PRMT3: variants seen among roughly 807,000 people sequenced by gnomAD.
PRMT3 encodes the protein protein arginine methyltransferase 3, also known as protein arginine N-methyltransferase 3.
In PRMT3, 62 loss-of-function variants were observed where a neutral mutation model predicts 71.9. The ratio of observed to expected loss-of-function variants is 0.86; its 90% CI spans 0.70 to 1.07. The LOEUF (loss-of-function observed/expected upper bound fraction) is 1.07. PRMT3 is among the 50% of genes least tolerant of loss of function. The pLI is 0.00. For missense variants in PRMT3, 663 were observed against 643.0 expected (o/e 1.03, Z -0.34); for synonymous variants, 213 against 220.4 (o/e 0.97, Z 0.30).
chr11:20,436,399 A>G (rs1849761794), intron 10 of PRMT3, among the ~76,000 whole-genome samples: 1 of 152,172 alleles, frequency 6.6e-6, no homozygotes, highest in Non-Finnish European at 1.5e-5. Context: ...ACTTGTCCCC[A>G]TTCAGTATGT....
chr11:20,448,852 GGAA>G (rs1392991830), intron 10 of PRMT3, among the ~76,000 whole-genome samples: 1 of 152,080 alleles, frequency 6.6e-6, no homozygotes, highest in Admixed American at 6.6e-5. Context: ...TGTCACTGTT[GGAA>G]GAAGAATGCC....
chr11:20,403,076 T>G (rs1253534931), intron 8 of PRMT3, 92 bp downstream of exon 8: 1 of 932,124 alleles, frequency 1.1e-6, no homozygotes, highest in African/African-American at 1.6e-5. Context: ...AGCAATTGAT[T>G]TAACATCTTC....
chr11:20,423,578 T>C (rs1443078982), intron 9 of PRMT3, among the ~76,000 whole-genome samples: 1 of 152,210 alleles, frequency 6.6e-6, no homozygotes, highest in Non-Finnish European at 1.5e-5. Flanking sequence ...GCTAGTTCAT[T>C]GGTGATATTC....
chr11:20,392,841 A>G (rs914478542), intron 4 of PRMT3, 56 bp from the exon 5 acceptor site: 1 of 1,118,912 alleles, frequency 8.9e-7, no homozygotes. Context: ...GTTTTTACTA[A>G]GGGGATTTTG....
At chr11:20,492,821 A>G (rs972062627) in intron 13 of PRMT3, among the ~76,000 whole-genome samples, 1 of 152,176 alleles carries the variant, frequency 6.6e-6, no homozygotes, top group Non-Finnish European at 1.5e-5. Flanking sequence ...CACTTTGGGA[A>G]GCCGAAGTGG....
chr11:20,417,159 C>A (rs1256756892), intron 9 of PRMT3, among the ~76,000 whole-genome samples: 1 of 152,090 alleles, frequency 6.6e-6, no homozygotes, highest in Non-Finnish European at 1.5e-5. Context: ...TCCCTTTTTT[C>A]TCTCACTGAA....
intron 15 of PRMT3, among the ~76,000 whole-genome samples, chr11:20,500,801 T>C (rs1162753585): frequency 6.6e-6 from 1 of 152,208 alleles, no homozygotes; most frequent in African/African-American, 2.4e-5. Context: ...TTTGAGACTT[T>C]GGAGTGGTTT....
At chr11:20,453,115 A>G (rs918758380) in intron 11 of PRMT3, among the ~76,000 whole-genome samples, 9 of 152,090 alleles carry the variant, frequency 5.9e-5, no homozygotes, top group Non-Finnish European at 5.9e-5. Flanking sequence ...TAGTGATGCA[A>G]AGGACTTGAC....
chr11:20,403,138 C>G (rs145820568), intron 8 of PRMT3, among the ~76,000 whole-genome samples, 154 bp downstream of exon 8: 9 of 152,296 alleles, frequency 5.9e-5, no homozygotes, highest in Admixed American at 2.6e-4. Flanking sequence ...GTGCAGAGTA[C>G]CAATAACAAA....
intron 13 of PRMT3, among the ~76,000 whole-genome samples, chr11:20,479,038 A>T (rs1241713856): frequency 6.6e-6 from 1 of 152,208 alleles, no homozygotes; most frequent in East Asian, 1.9e-4. Context: ...ATAGGTTTTA[A>T]TGGGACATCT....
At chr11:20,444,742 C>T (rs376503661) in intron 10 of PRMT3, among the ~76,000 whole-genome samples, 9 of 152,028 alleles carry the variant, frequency 5.9e-5, no homozygotes, top group African/African-American at 1.9e-4. Context: ...TGGAGTGTTA[C>T]GTAATTACCA....
intron 13 of PRMT3, among the ~76,000 whole-genome samples, chr11:20,471,944 T>G (rs1565227093): frequency 6.9e-6 from 1 of 145,382 alleles, no homozygotes; most frequent in Non-Finnish European, 1.5e-5. Flanking sequence ...TTCCTAGGTA[T>G]TTTTTTTTGT....
intron 15 of PRMT3, among the ~76,000 whole-genome samples, chr11:20,495,813 T>TAAC (rs914596521): frequency 6.6e-6 from 1 of 152,138 alleles, no homozygotes; most frequent in African/African-American, 2.4e-5. Flanking sequence ...GCTGAATGTA[T>TAAC]AACAAGCTGC....
intron 10 of PRMT3, among the ~76,000 whole-genome samples, chr11:20,439,590 C>A (rs1849840271): frequency 6.6e-6 from 1 of 152,184 alleles, no homozygotes; most frequent in African/African-American, 2.4e-5. Context: ...ATGTACATTG[C>A]AGTTTCAGAC....
intron 13 of PRMT3, among the ~76,000 whole-genome samples, chr11:20,488,278 T>A (rs1298559200): frequency 1.3e-5 from 2 of 152,224 alleles, no homozygotes; most frequent in Non-Finnish European, 2.9e-5. Flanking sequence ...ATGCTCTGTA[T>A]GTGGCAGCTC....
At chr11:20,433,831 G>T (rs1350997592) in intron 10 of PRMT3, among the ~76,000 whole-genome samples, 1 of 152,086 alleles carries the variant, frequency 6.6e-6, no homozygotes, top group African/African-American at 2.4e-5. Context: ...TGTTGGCCAG[G>T]CTGGTCTTGA....
chr11:20,463,165 A>G (rs968870923), intron 12 of PRMT3, among the ~76,000 whole-genome samples: 1 of 152,190 alleles, frequency 6.6e-6, no homozygotes. Context: ...TTACTTTCAT[A>G]TAGCATCAAT....
chr11:20,481,321 CCTTTTT>C (rs1850926719), intron 13 of PRMT3, among the ~76,000 whole-genome samples: 1 of 151,544 alleles, frequency 6.6e-6, no homozygotes, highest in Non-Finnish European at 1.5e-5. Flanking sequence ...ATTCTGCCCT[CCTTTTT>C]AATTGTGAAC....
At chr11:20,470,355 T>A (rs986591690) in intron 13 of PRMT3, among the ~76,000 whole-genome samples, 4 of 152,160 alleles carry the variant, frequency 2.6e-5, no homozygotes, top group Non-Finnish European at 4.4e-5. Flanking sequence ...CCAGGTATTA[T>A]GCCCAGTGTC....
Sources: gnomAD v4.1 joint callset for allele counts (sites outside exome capture counted in the v4.1 genomes callset) on GRCh38, gnomAD v4.1.1 for gene constraint, MANE v1.5 for transcripts, NCBI Gene and HGNC (gene_info 2026-07-23, HGNC 2026-07-21) for gene names.